The following MGAT5 variants were observed in gnomAD, a reference collection of about 807,000 sequenced individuals.
The protein encoded by MGAT5 is alpha-1,6-mannosylglycoprotein 6-beta-N-acetylglucosaminyltransferase.
A neutral mutation model predicts 94.3 loss-of-function variants in MGAT5; 30 were observed. The ratio of observed to expected loss-of-function variants is 0.32; its 90% CI spans 0.24 to 0.43. The LOEUF is 0.43. Ranked by LOEUF, MGAT5 falls within the 20% of genes least tolerant of loss-of-function variation. MGAT5 has a pLI of 1.00. For missense variants in MGAT5, 691 were observed against 905.5 expected, an observed-to-expected ratio of 0.76 and a Z score of 3.04; for synonymous variants, 310 against 322.9, an observed-to-expected ratio of 0.96 and a Z score of 0.43.
chr2:134,262,881 A>G (rs999537839), intron 1 of MGAT5, among the ~76,000 whole-genome samples: 2 of 152,174 alleles, frequency 1.3e-5, no homozygotes, highest in African/African-American at 4.8e-5. Flanking sequence ...CAGACATGAG[A>G]GGAAATATGC....
chr2:134,234,912 T>G (rs1681553715), intron 1 of MGAT5, among the ~76,000 whole-genome samples: 1 of 152,202 alleles, frequency 6.6e-6, no homozygotes, highest in Non-Finnish European at 1.5e-5. Flanking sequence ...AGTCTTTTTA[T>G]AAGACTCCCC....
At chr2:134,335,996 A>C (rs1688311673) in intron 4 of MGAT5, among the ~76,000 whole-genome samples, 1 of 152,164 alleles carries the variant, frequency 6.6e-6, no homozygotes, top group African/African-American at 2.4e-5. Context: ...GACAGATGTA[A>C]AGTATAATCT....
At chr2:134,347,304 T>C (rs192460602) in intron 8 of MGAT5, among the ~76,000 whole-genome samples, 1 of 152,282 alleles carries the variant, frequency 6.6e-6, no homozygotes, top group Non-Finnish European at 1.5e-5. Flanking sequence ...TGTCGAATTA[T>C]AAATTTCTGA....
chr2:134,133,157 G>A (rs2104921574), intron 1 of MGAT5, among the ~76,000 whole-genome samples: 1 of 152,292 alleles, frequency 6.6e-6, no homozygotes, highest in East Asian at 1.9e-4. Context: ...CACCTTTCTG[G>A]CAGCTGGGCC....
At chr2:134,305,236 AG>A (rs549583769) in intron 2 of MGAT5, among the ~76,000 whole-genome samples, 173 of 152,312 alleles carry the variant, frequency 1.1e-3, no homozygotes, top group African/African-American at 3.9e-3. Context: ...TGAAAACCTC[AG>A]TTTATGCGAG....
intron 12 of MGAT5, among the ~76,000 whole-genome samples, chr2:134,419,478 G>T (rs1349911523): frequency 1.3e-5 from 2 of 149,232 alleles, no homozygotes; most frequent in Admixed American, 1.3e-4. Flanking sequence ...GTGTGTGTGT[G>T]TGTGTGTGTG....
chr2:134,254,909 CCTT>C (rs1682838220), intron 1 of MGAT5, among the ~76,000 whole-genome samples: 1 of 152,184 alleles, frequency 6.6e-6, no homozygotes, highest in African/African-American at 2.4e-5. Context: ...GCAGCTAGCT[CCTT>C]CTCCCTGAAC....
chr2:134,432,589 A>G (rs1390505445), intron 14 of MGAT5, among the ~76,000 whole-genome samples: 1 of 152,198 alleles, frequency 6.6e-6, no homozygotes. Flanking sequence ...TTGAGAAATC[A>G]ATAGCTTTTG....
intron 1 of MGAT5, among the ~76,000 whole-genome samples, chr2:134,215,746 A>T (rs1284697838): frequency 2.0e-5 from 3 of 152,334 alleles, no homozygotes; most frequent in Middle Eastern, 3.4e-3. Flanking sequence ...GGATTTTGGG[A>T]TCATGGGGGT....
intron 10 of MGAT5, among the ~76,000 whole-genome samples, chr2:134,366,613 A>G (rs1680446167): frequency 6.6e-6 from 1 of 152,218 alleles, no homozygotes; most frequent in Non-Finnish European, 1.5e-5. Context: ...AAGTTGCGGC[A>G]GTAATAGCTG....
At chr2:134,189,611 T>G (rs1295451398) in intron 1 of MGAT5, among the ~76,000 whole-genome samples, 24 of 135,454 alleles carry the variant, frequency 1.8e-4, no homozygotes, top group Non-Finnish European at 2.5e-4. Flanking sequence ...TGTTTTTTTT[T>G]TTTTTTTTTA....
chr2:134,360,442 T>TG (rs1490408130), intron 9 of MGAT5, among the ~76,000 whole-genome samples: 1 of 152,216 alleles, frequency 6.6e-6, no homozygotes, highest in Admixed American at 6.5e-5. Flanking sequence ...TTTCACTTGC[T>TG]GGATTATTTT....
At chr2:134,204,156 A>T (rs1202952789) in intron 1 of MGAT5, among the ~76,000 whole-genome samples, 1 of 152,168 alleles carries the variant, frequency 6.6e-6, no homozygotes, top group African/African-American at 2.4e-5. Context: ...TATTCATGCT[A>T]GCGCTCATTT....
In MGAT5 at chr2:134,341,758, G is replaced by C. The variant is rs1489967783; in HGVS notation, c.976G>C (p.Glu326Gln). 1 of 1,593,308 alleles carries C rather than the reference G, an allele frequency of 6.3e-7. No homozygotes were observed. The highest frequency in any genetic ancestry group is 8.5e-7 in the Non-Finnish European group (1 of 1,173,334). The change falls in exon 7 of 16, where the codon GAA becomes CAA. Residue 326 changes from glutamate to glutamine, a missense_variant and splice_region_variant. Glu to Gln is a conservative substitution (Grantham distance 29). This residue lies in a region of MGAT5 where 121 missense variants were observed against 206.1 expected (regional missense o/e 0.59). Coordinates refer to ENST00000281923, the MANE Select transcript of MGAT5 (RefSeq NM_002410.5). ...TTCAGCTTCACTGGCTGAGCTCAAG[G>C]AGTAAGGAGATTACTTTTCAATTTT... ...RISASLAELK[E>Q]IMKKVVGNRS... is the part of the protein sequence containing the mutation.
intron 2 of MGAT5, among the ~76,000 whole-genome samples, chr2:134,298,403 C>G (rs931068056): frequency 6.6e-6 from 1 of 152,058 alleles, no homozygotes; most frequent in Admixed American, 6.6e-5. Flanking sequence ...TGGCCTATCT[C>G]TGTATTATTT....
chr2:134,208,110 A>G (rs1259047339), intron 1 of MGAT5, among the ~76,000 whole-genome samples: 1 of 151,908 alleles, frequency 6.6e-6, no homozygotes, highest in Non-Finnish European at 1.5e-5. Flanking sequence ...AAGACAGCAC[A>G]TAGAATCAGA....
intron 2 of MGAT5, among the ~76,000 whole-genome samples, chr2:134,312,282 C>A (rs1360148291): frequency 6.6e-6 from 1 of 152,036 alleles, no homozygotes; most frequent in Non-Finnish European, 1.5e-5. Context: ...CAACCATAAA[C>A]CTCTCTTTTT....
chr2:134,288,904 C>G (rs1685178221), intron 2 of MGAT5, among the ~76,000 whole-genome samples: 1 of 152,198 alleles, frequency 6.6e-6, no homozygotes, highest in South Asian at 2.1e-4. Flanking sequence ...GCTCAAACCT[C>G]TCATTGTCAC....
In MGAT5 at chr2:134,362,381, G is replaced by A. The variant is rs1680152283; in HGVS notation, c.1353G>A (p.Val451=). 1 of 1,614,146 alleles carries A rather than the reference G, an allele frequency of 6.2e-7. No individual in the cohort carries two copies. The highest frequency in any genetic ancestry group is 8.5e-7 in the Non-Finnish European group (1 of 1,179,994). The part of the protein sequence containing the change: ...NEIKRQNQSL[V]YGKVDSFWKN... The stretch of plus-strand genomic sequence containing the variant: ...TCAAAAGGCAGAACCAGTCCCTTGT[G>A]TATGGCAAAGTGGATAGCTTCTGGA... The change falls in exon 10 of 16, where the codon GTG becomes GTA. Residue 451 remains valine (V), a synonymous_variant. Coordinates refer to ENST00000281923, the MANE Select transcript of MGAT5 (RefSeq NM_002410.5).
Sources: allele counts gnomAD v4.1 joint callset (sites outside exome capture counted in the v4.1 genomes callset), GRCh38; gene constraint gnomAD v4.1.1; regional missense constraint gnomAD v4.1.1; transcripts MANE v1.5; gene names NCBI Gene and HGNC (gene_info 2026-07-23, HGNC 2026-07-21).